The following KDM2A variants were observed in gnomAD, a reference collection of about 807,000 sequenced individuals.
KDM2A encodes the protein lysine-specific demethylase 2A.
Under a neutral mutation model 137.3 loss-of-function variants are expected in KDM2A, and 3 were observed. The observed-to-expected ratio is 0.02, with a 90% CI of 0.01 to 0.06. The LOEUF is 0.06. Among genes scored for constraint, KDM2A ranks in the 10% least tolerant of loss-of-function variants. The pLI, the probability that KDM2A is intolerant of heterozygous loss-of-function variation, is 1.00. For missense variants in KDM2A, 738 were observed against 1,510.6 expected, an observed-to-expected ratio of 0.49 and a Z score of 8.48; for synonymous variants, 512 against 541.5, an observed-to-expected ratio of 0.95 and a Z score of 0.76.
intron 2 of KDM2A, among the ~76,000 whole-genome samples, chr11:67,157,361 G>T (rs1590732717): frequency 6.8e-6 from 1 of 148,068 alleles, no homozygotes; most frequent in East Asian, 2.0e-4. Flanking sequence ...GGCAAATTTT[G>T]AATAGTCTTT....
chr11:67,219,371 T>C lies in KDM2A; in HGVS notation c.925T>C (p.Leu309=), dbSNP rs1398757525. 2 of 1,607,120 alleles carry C rather than the reference T, an allele frequency of 1.2e-6. No homozygotes were observed. The highest frequency in any genetic ancestry group is 3.4e-5 in the Admixed American group (2 of 59,200). ...FLHSFNIPMQ[L]KIYNIEDRTR... is the part of the protein sequence containing the mutation. ...GCATAGCTTCAACATCCCTATGCAG[T>C]TAAAAATATACAACATTGAAGATCG... The change falls in exon 10 of 21, where the codon TTA becomes CTA. Residue 309 remains leucine, a synonymous_variant. Transcript: ENST00000529006.
At chr11:67,203,958 G>A (rs186954908) in intron 5 of KDM2A, among the ~76,000 whole-genome samples, 14 of 151,696 alleles carry the variant, frequency 9.2e-5, no homozygotes, top group Middle Eastern at 3.4e-3. Context: ...GTACCACCAC[G>A]CCCAGCTAAT....
chr11:67,181,912 C>T lies in KDM2A; in HGVS notation c.307+20C>T. On this transcript the variant is annotated intron_variant, in intron 5 of 20. Coordinates refer to ENST00000529006, the MANE Select transcript of KDM2A (RefSeq NM_012308.3). ...GTGTGGGTAAGTGTCGAGCTTTTGG[C>T]CTCTGTCTTTAAGGCAAAGATTTAA... 1 of 1,611,266 alleles carries T rather than the reference C, an allele frequency of 6.2e-7. No homozygotes were observed. Among genetic ancestry groups the T allele is most frequent in the South Asian group, 1.1e-5 (1 of 91,016 alleles).
At chr11:67,182,173 G>A (rs1299830496) in intron 5 of KDM2A, among the ~76,000 whole-genome samples, 2 of 151,972 alleles carry the variant, frequency 1.3e-5, no homozygotes, top group Admixed American at 1.3e-4. Context: ...CCAAGAAACC[G>A]AAAACTTACA....
At chr11:67,174,906 C>T (rs899694169) in intron 2 of KDM2A, among the ~76,000 whole-genome samples, 1 of 152,162 alleles carries the variant, frequency 6.6e-6, no homozygotes, top group Non-Finnish European at 1.5e-5. Flanking sequence ...TTGTTACTTA[C>T]TGTGACACTG....
intron 5 of KDM2A, 115 bp from the exon 6 acceptor site, chr11:67,207,395 A>T: frequency 1.4e-6 from 1 of 720,934 alleles, no homozygotes; most frequent in African/African-American, 1.8e-5. Flanking sequence ...TTCCTTGTGT[A>T]TTATTGAAAA....
intron 2 of KDM2A, among the ~76,000 whole-genome samples, chr11:67,157,921 C>G (rs1031183987): frequency 6.6e-6 from 1 of 152,008 alleles, no homozygotes; most frequent in Admixed American, 6.6e-5. Flanking sequence ...GAGACCCCAT[C>G]GCAAAAGAAA....
chr11:67,144,932 G>A (rs1436304857), intron 2 of KDM2A, among the ~76,000 whole-genome samples: 3 of 151,368 alleles, frequency 2.0e-5, no homozygotes, highest in Non-Finnish European at 2.9e-5. Flanking sequence ...TGCCAGTGGC[G>A]CAATCTCAGC....
chr11:67,232,682 CTTTT>C (rs558208078), intron 12 of KDM2A, among the ~76,000 whole-genome samples: 1 of 131,792 alleles, frequency 7.6e-6, no homozygotes, highest in Non-Finnish European at 1.7e-5. Context: ...CAGACTTGAG[CTTTT>C]TTTTTTTTTT....
chr11:67,255,054 A>G lies in KDM2A; in HGVS notation c.3488A>G (p.Ter1163=). The G allele has an allele frequency of 6.2e-7, 1 of 1,608,246 alleles. No homozygotes were observed. The highest frequency in any genetic ancestry group is 8.5e-7 in the Non-Finnish European group (1 of 1,177,304). ...SDEKLIQKIS[*] is the part of the protein sequence containing the mutation. ...GAGAAGCTGATACAGAAGATCAGCT[A>G]AGACACACCCAGCCCAGATTCAACA... The change falls in exon 21 of 21, where the codon TAA becomes TGA. Residue 1163 remains the stop codon, a stop_retained_variant. Coordinates refer to ENST00000529006, the MANE Select transcript of KDM2A (RefSeq NM_012308.3).
At chr11:67,230,193 C>T (rs1204255719) in intron 11 of KDM2A, among the ~76,000 whole-genome samples, 3 of 150,008 alleles carry the variant, frequency 2.0e-5, no homozygotes, top group Non-Finnish European at 4.5e-5. Flanking sequence ...AAAAAAAATA[C>T]ATCTAATAGA....
intron 2 of KDM2A, among the ~76,000 whole-genome samples, chr11:67,170,452 G>A (rs11227726): frequency 8.3e-6 from 1 of 119,910 alleles, no homozygotes; most frequent in Non-Finnish European, 1.6e-5. Context: ...TCGCTCTGTC[G>A]CCCAGGCTGG....
At chr11:67,211,768 C>A (rs536911875) in intron 6 of KDM2A, among the ~76,000 whole-genome samples, 1 of 151,738 alleles carries the variant, frequency 6.6e-6, no homozygotes. Flanking sequence ...CACTTTATAT[C>A]CTCAAGTTCT....
chr11:67,170,387 GT>G (rs796555976), intron 2 of KDM2A, among the ~76,000 whole-genome samples: 10,139 of 56,156 alleles, frequency 0.18, 1,319 homozygotes, highest in African/African-American at 0.34. Flanking sequence ...CAAGCATGGG[GT>G]TTTTTTTTTT....
chr11:67,167,469 T>C (rs1267030630), intron 2 of KDM2A, among the ~76,000 whole-genome samples: 2 of 152,160 alleles, frequency 1.3e-5, no homozygotes, highest in African/African-American at 4.8e-5. Flanking sequence ...TCCCGACTCT[T>C]TTAGGATCAT....
intron 15 of KDM2A, among the ~76,000 whole-genome samples, chr11:67,247,392 A>AT (rs1734272099): frequency 8.4e-6 from 1 of 119,538 alleles, no homozygotes; most frequent in Non-Finnish European, 1.7e-5. Flanking sequence ...ACCCAGCCTG[A>AT]TTCTTAGGAT....
intron 5 of KDM2A, among the ~76,000 whole-genome samples, chr11:67,203,104 A>G (rs1857687709): frequency 6.6e-6 from 1 of 152,156 alleles, no homozygotes. Flanking sequence ...CTGATCAGTC[A>G]GCAGCCCTCA....
rs368536747 is a variant in KDM2A, at chr11:67,245,302, G to A, written c.1677G>A (p.Pro559=). ...LTPVRPAAAS[P]IVSGARRRRV... is the part of the protein sequence containing the mutation. Reference sequence around the variant, plus strand: ...CTGTGAGGCCAGCTGCTGCCTCCCCGATTGTGTCAGGAGCCAGACGGAGAC... The same window carrying A: ...CTGTGAGGCCAGCTGCTGCCTCCCCAATTGTGTCAGGAGCCAGACGGAGAC... Residue 559 remains proline (P), a synonymous_variant, in exon 14 of 21, where the codon CCG becomes CCA. Transcript: ENST00000529006. This position sits in a 1 kb window ranked among gnomAD's most constrained non-coding sequence, Gnocchi z 4.1. 101 of 1,613,928 alleles carry A rather than the reference G, an allele frequency of 6.3e-5. No individual in the cohort carries two copies. The highest frequency in any genetic ancestry group is 7.9e-5 in the Non-Finnish European group (93 of 1,179,914).
chr11:67,236,790 A>G (rs1280487130), intron 12 of KDM2A, among the ~76,000 whole-genome samples: 2 of 152,230 alleles, frequency 1.3e-5, no homozygotes, highest in Non-Finnish European at 2.9e-5. Flanking sequence ...AGATGTTACA[A>G]ATCTATGAAA....
Sources: allele counts gnomAD v4.1 joint callset (sites outside exome capture counted in the v4.1 genomes callset), GRCh38; gene constraint gnomAD v4.1.1; non-coding constraint Gnocchi (gnomAD v3.1); transcripts MANE v1.5; gene names NCBI Gene and HGNC (gene_info 2026-07-23, HGNC 2026-07-21).